The following RAB11FIP5 variants were observed in gnomAD, a reference collection of about 807,000 sequenced individuals.
RAB11FIP5 encodes the protein RAB11 family interacting protein 5, also known as rab11 family-interacting protein 5.
In RAB11FIP5, 48 loss-of-function variants were observed where a neutral mutation model predicts 85.1. The observed-to-expected ratio is 0.56, with a 90% CI of 0.45 to 0.72. The LOEUF is 0.72. RAB11FIP5 is among the 30% of genes least tolerant of loss of function. The probability of loss-of-function intolerance (pLI) is 0.00; values close to 1 mark genes in which losing one functional copy is unlikely to be tolerated. For synonymous variants in RAB11FIP5, 729 were observed against 727.3 expected (o/e 1.00, Z -0.04); for missense variants, 1,491 against 1,687.0 (o/e 0.88, Z 2.04).
intron 1 of RAB11FIP5, among the ~76,000 whole-genome samples, chr2:73,109,660 C>A (rs1251044279): frequency 6.6e-6 from 1 of 152,194 alleles, no homozygotes; most frequent in Non-Finnish European, 1.5e-5. Flanking sequence ...ACTGCAGAGG[C>A]CTCTCAAGCC....
In RAB11FIP5 at chr2:73,081,695, G is replaced by T; in HGVS notation, c.1569-32C>A. On this transcript the variant is annotated intron_variant, in intron 3 of 5. Transcript: ENST00000486777. The surrounding 1 kb of genome is among the most constrained non-coding windows in gnomAD (Gnocchi z 4.2). ...AGGGAGACAAAACCGTGAGCCTCCTGGTTAATGCCAAGACTGGAAAGGCCC... is the reference window on the plus strand; with the variant it reads ...AGGGAGACAAAACCGTGAGCCTCCTTGTTAATGCCAAGACTGGAAAGGCCC... The T allele has an allele frequency of 8.1e-7, 1 of 1,231,466 alleles. No homozygotes were observed. Among genetic ancestry groups the T allele is most frequent in the Non-Finnish European group, 1.0e-6 (1 of 987,354 alleles). 76.3% of individuals were successfully genotyped at this position (1,231,466 alleles called of 1,614,324 possible).
At position 73,074,820 on chromosome 2, in the gene RAB11FIP5, A is replaced by AC. The variant is rs1466020631; in HGVS notation, c.*700dup. 4.6e-6 allele frequency: 1 copy of AC among 217,052 alleles called. No individual in the cohort carries two copies. Among genetic ancestry groups the AC allele is most frequent in the Non-Finnish European group, 9.4e-6 (1 of 106,902 alleles). 13.4% of individuals were successfully genotyped at this position (217,052 alleles called of 1,614,324 possible). A position where few individuals can be genotyped will look rare whatever the true frequency, so the allele number is the denominator to read the frequency against. On this transcript the variant is annotated 3_prime_UTR_variant, in exon 6 of 6. Transcript: ENST00000486777. ...CTCCGCACCCGCCCCTGCGCCCCAC[A>AC]CATTCCCATGTGACACTCGTGGAAA... is the stretch of plus-strand genomic sequence containing the variant.
At chr2:73,104,141 A>G (rs1192001610) in intron 1 of RAB11FIP5, among the ~76,000 whole-genome samples, 1 of 152,196 alleles carries the variant, frequency 6.6e-6, no homozygotes, top group Non-Finnish European at 1.5e-5. Flanking sequence ...AATGCAGAAA[A>G]CACCTTTGGA....
At chr2:73,110,253 C>A (rs760188118) in intron 1 of RAB11FIP5, among the ~76,000 whole-genome samples, 1 of 152,228 alleles carries the variant, frequency 6.6e-6, no homozygotes, top group Non-Finnish European at 1.5e-5. Context: ...CTGCCTTGCC[C>A]TCTCCCTACC....
At chr2:73,100,060 G>A (rs910305153) in intron 1 of RAB11FIP5, among the ~76,000 whole-genome samples, 2 of 152,218 alleles carry the variant, frequency 1.3e-5, no homozygotes, top group African/African-American at 4.8e-5. Context: ...GGGCACCAAT[G>A]TGAAGAGGAA....
In RAB11FIP5 at chr2:73,089,915, A is replaced by C. The variant is rs970420678; in HGVS notation, c.432-600T>G. On this transcript the variant is annotated intron_variant, in intron 1 of 5. Coordinates refer to ENST00000486777, the MANE Select transcript of RAB11FIP5 (RefSeq NM_001371272.1). The surrounding 1 kb of genome is among the most constrained non-coding windows in gnomAD (Gnocchi z 4.6). ...CACACACACACACACACACACACAC[A>C]CCTCACTCACACACTGACTCACCCC... Among the ~76,000 whole-genome samples, 10 of 136,844 alleles carry C rather than the reference A, an allele frequency of 7.3e-5. No individual in the cohort carries two copies. The highest frequency in any genetic ancestry group is 6.5e-4 in the East Asian group (3 of 4,614). 89.8% of individuals were successfully genotyped at this position (136,844 alleles called of 152,430 possible). A position where few individuals can be genotyped will look rare whatever the true frequency, so the allele number is the denominator to read the frequency against.
In RAB11FIP5 at chr2:73,088,696, C is replaced by T. The variant is rs151215824; in HGVS notation, c.922G>A (p.Asp308Asn). The T allele has an allele frequency of 5.6e-6, 9 of 1,612,188 alleles. No homozygotes were observed. The African/African-American group carries it at 9.3e-5, about 17-fold the overall frequency. ...KLFTHKRTYS[D>N]EANQMRVAPP... The stretch of plus-strand genomic sequence containing the variant: ...GCCACTCGCATCTGGTTGGCCTCAT[C>T]GCTGTAGGTCCTCTTATGGGTGAAC... The change falls in exon 3 of 6, where the codon GAT becomes AAT. Residue 308 changes from aspartate (D) to asparagine (N), a missense_variant. Asp to Asn is a conservative substitution (Grantham distance 23, BLOSUM62 1). Around this residue, in one of 3 missense-constraint regions of RAB11FIP5, gnomAD observed 1,211 missense variants for 1,338.0 expected, o/e 0.91. Coordinates refer to ENST00000486777, the MANE Select transcript of RAB11FIP5 (RefSeq NM_001371272.1).
At chr2:73,076,842 C>T (rs1574291923) in intron 4 of RAB11FIP5, among the ~76,000 whole-genome samples, 1 of 152,318 alleles carries the variant, frequency 6.6e-6, no homozygotes, top group Non-Finnish European at 1.5e-5. Context: ...CTTTCATTGA[C>T]TCCTTAACCC....
chr2:73,084,637 C>T (rs1684059684), intron 3 of RAB11FIP5, among the ~76,000 whole-genome samples: 1 of 152,246 alleles, frequency 6.6e-6, no homozygotes, highest in South Asian at 2.1e-4. Context: ...CCTGTTCACC[C>T]TGACAGCCCC....
rs1316222496 is a variant in RAB11FIP5, at chr2:73,112,558, A to G, written c.220T>C (p.Ser74Pro). ...AGGGCCCCCGGCGGCAGCTCGAAGG[A>G]GCACTCCTCACGCCACTCGGGGCAG... ...HGCPEWREECSFELPPGALDG... is the reference protein window; with the variant it reads ...HGCPEWREECPFELPPGALDG... Residue 74 changes from serine (S) to proline (P), a missense_variant, in exon 1 of 6, where the codon TCC (serine) becomes CCC (proline). Ser to Pro is a moderately conservative substitution (Grantham distance 74). Around this residue, in one of 3 missense-constraint regions of RAB11FIP5, gnomAD observed 1,211 missense variants for 1,338.0 expected, o/e 0.91. Coordinates refer to ENST00000486777, the MANE Select transcript of RAB11FIP5 (RefSeq NM_001371272.1). 3.2e-6 allele frequency: 5 copies of G among 1,571,238 alleles called. No homozygotes were observed. The highest frequency in any genetic ancestry group is 4.3e-6 in the Non-Finnish European group (5 of 1,161,422).
chr2:73,112,535 G>C lies in RAB11FIP5; in HGVS notation c.243C>G (p.Ala81=). 2.0e-6 allele frequency: 3 copies of C among 1,531,656 alleles called. No individual in the cohort carries two copies. Among genetic ancestry groups the C allele is most frequent in the Non-Finnish European group, 2.6e-6 (3 of 1,140,762 alleles). 94.9% of individuals were successfully genotyped at this position (1,531,656 alleles called of 1,614,324 possible). ...EECSFELPPG[A]LDGLLRAQEA... ...CCTGCGCCCGCAGCAGGCCATCCAG[G>C]GCCCCCGGCGGCAGCTCGAAGGAGC... The change falls in exon 1 of 6, where the codon GCC becomes GCG. Residue 81 remains alanine, a synonymous_variant. Transcript: ENST00000486777.
Position 73,079,733 on chromosome 2 carries a change from G to A in RAB11FIP5, c.3499C>T (p.Leu1167Phe), listed in dbSNP as rs1683931851. Residue 1167 changes from leucine (L) to phenylalanine (F), a missense_variant, in exon 4 of 6, where the codon CTC becomes TTC. Leu to Phe is a conservative substitution (Grantham distance 22). This residue lies in a region of RAB11FIP5 where 232 missense variants were observed against 259.1 expected (regional missense o/e 0.90). Coordinates refer to ENST00000486777, the MANE Select transcript of RAB11FIP5 (RefSeq NM_001371272.1). Reference sequence around the variant, plus strand: ...GGGGAGGCTGGGGTGGCTGCAGCGAGGTCCTCCCTAAGTAGGGCAGGGGAG... The same window carrying A: ...GGGGAGGCTGGGGTGGCTGCAGCGAAGTCCTCCCTAAGTAGGGCAGGGGAG... The part of the protein sequence containing the change: ...GGSPALLRED[L>F]AAATPASPLV... The A allele has an allele frequency of 8.1e-7, 1 of 1,233,144 alleles. No individual in the cohort carries two copies. The allele number at this position is 1,233,144 out of a possible 1,614,324, so 76.4% of individuals were successfully genotyped here.
rs941005897 is a variant in RAB11FIP5 at position 73,075,787 on chromosome 2, TGCCC to T, written c.3772-67_3772-64del. ...AGGCCTGCCTGCCTGCCTGCCCGCT[TGCCC>T]GCCCGCCCGCCTGCCCACCAACACC... is the stretch of plus-strand genomic sequence containing the variant. On this transcript the variant is annotated intron_variant, in intron 5 of 5. Transcript: ENST00000486777. This position sits in a 1 kb window ranked among gnomAD's most constrained non-coding sequence, Gnocchi z 4.6. 32 of 1,414,946 alleles carry T rather than the reference TGCCC, an allele frequency of 2.3e-5. No homozygotes were observed. Among genetic ancestry groups the T allele is most frequent in the Non-Finnish European group, 3.0e-5 (31 of 1,045,340 alleles). The allele number at this position is 1,414,946 out of a possible 1,614,324, so 87.6% of individuals were successfully genotyped here.
chr2:73,075,049 C>G lies in RAB11FIP5; in HGVS notation c.*472G>C. 2.8e-6 allele frequency: 1 copy of G among 361,042 alleles called. No individual in the cohort carries two copies. The highest frequency in any genetic ancestry group is 3.7e-5 in the Admixed American group (1 of 26,734). 22.4% of individuals were successfully genotyped at this position (361,042 alleles called of 1,614,324 possible). A position where few individuals can be genotyped will look rare whatever the true frequency, so the allele number is the denominator to read the frequency against. On this transcript the variant is annotated 3_prime_UTR_variant, in exon 6 of 6. Transcript: ENST00000486777. This position sits in a 1 kb window ranked among gnomAD's most constrained non-coding sequence, Gnocchi z 4.6. The stretch of plus-strand genomic sequence containing the variant: ...CCGTAACTCACAGACAAACAGGCAG[C>G]GTGGTCATTGTCCCAGTAATACTAG...
At chr2:73,087,798 G>C (rs1232422227) in intron 3 of RAB11FIP5, among the ~76,000 whole-genome samples, 1 of 152,156 alleles carries the variant, frequency 6.6e-6, no homozygotes, top group Non-Finnish European at 1.5e-5. Context: ...CATGCAGCAA[G>C]GCCTAGGGCT....
chr2:73,094,602 A>G (rs927037359), intron 1 of RAB11FIP5, among the ~76,000 whole-genome samples: 1 of 152,166 alleles, frequency 6.6e-6, no homozygotes, highest in African/African-American at 2.4e-5. Flanking sequence ...AGGTGAGTGA[A>G]TTCACCCAGA....
chr2:73,112,937 C>T lies in RAB11FIP5; in HGVS notation c.-160G>A. On this transcript the variant is annotated 5_prime_UTR_variant, in exon 1 of 6. Coordinates refer to ENST00000486777, the MANE Select transcript of RAB11FIP5 (RefSeq NM_001371272.1). ...CCGACCGGCCGCCGCCTCCCCGCCT[C>T]ACCGGGCCGCTGGCCGCGGGCCGCG... 1 of 467,988 alleles carries T rather than the reference C, an allele frequency of 2.1e-6. No individual in the cohort carries two copies. Among genetic ancestry groups the T allele is most frequent in the Non-Finnish European group, 3.0e-6 (1 of 330,402 alleles). The allele number at this position is 467,988 out of a possible 1,614,324, so 29.0% of individuals were successfully genotyped here.
chr2:73,089,080 C>T lies in RAB11FIP5; in HGVS notation c.667G>A (p.Gly223Ser), dbSNP rs751008297. The T allele has an allele frequency of 2.5e-6, 4 of 1,614,128 alleles. No homozygotes were observed. Among genetic ancestry groups the T allele is most frequent in the Non-Finnish European group, 3.4e-6 (4 of 1,180,016 alleles). The change falls in exon 2 of 6, where the codon GGC becomes AGC. Residue 223 changes from glycine (G) to serine (S), a missense_variant. This residue lies in a region of RAB11FIP5 where 1,211 missense variants were observed against 1,338.0 expected (regional missense o/e 0.91). Transcript: ENST00000486777. The surrounding 1 kb of genome is among the most constrained non-coding windows in gnomAD (Gnocchi z 4.6). ...PSSAIEDPDL[G>S]SLGKMGKAKG... ...GCTTTGCCCATCTTGCCCAGGCTGCCCAGGTCAGGATCCTCTATGGCGCTG... is the reference window on the plus strand; with the variant it reads ...GCTTTGCCCATCTTGCCCAGGCTGCTCAGGTCAGGATCCTCTATGGCGCTG...
chr2:73,112,581 C>G lies in RAB11FIP5; in HGVS notation c.197G>C (p.Cys66Ser). 1 of 1,596,276 alleles carries G rather than the reference C, an allele frequency of 6.3e-7. No individual in the cohort carries two copies. The highest frequency in any genetic ancestry group is 8.5e-7 in the Non-Finnish European group (1 of 1,173,166). ...GGAGCACTCCTCACGCCACTCGGGG[C>G]AGCCGTGCGTCTTCTCCACCACCGA... ...STSVVEKTHG[C>S]PEWREECSFE... The change falls in exon 1 of 6, where the codon TGC becomes TCC. Residue 66 changes from cysteine (C) to serine (S), a missense_variant. Around this residue, in one of 3 missense-constraint regions of RAB11FIP5, gnomAD observed 1,211 missense variants for 1,338.0 expected, o/e 0.91. Coordinates refer to ENST00000486777, the MANE Select transcript of RAB11FIP5 (RefSeq NM_001371272.1).
Sources: allele counts gnomAD v4.1 joint callset (sites outside exome capture counted in the v4.1 genomes callset), GRCh38; gene constraint gnomAD v4.1.1; regional missense constraint gnomAD v4.1.1; non-coding constraint Gnocchi (gnomAD v3.1); transcripts MANE v1.5; gene names NCBI Gene and HGNC (gene_info 2026-07-23, HGNC 2026-07-21).